SHC4: variants seen among roughly 807,000 people sequenced by gnomAD.
SHC4 encodes SHC-transforming protein 4.
In SHC4, 41 loss-of-function variants were observed where a neutral mutation model predicts 69.4. The observed-to-expected ratio is 0.59, with a 90% CI of 0.46 to 0.77. The LOEUF (loss-of-function observed/expected upper bound fraction) is 0.77. Among genes scored for constraint, SHC4 ranks in the 30% least tolerant of loss-of-function variants. The probability of loss-of-function intolerance (pLI) is 0.00; values close to 1 mark genes in which losing one functional copy is unlikely to be tolerated. For missense variants in SHC4, 777 were observed against 783.8 expected (o/e 0.99, Z 0.10); for synonymous variants, 318 against 299.3 (o/e 1.06, Z -0.64).
intron 10 of SHC4, among the ~76,000 whole-genome samples, chr15:48,840,950 T>C (rs1438063277): frequency 6.6e-6 from 1 of 152,122 alleles, no homozygotes; most frequent in East Asian, 1.9e-4. Context: ...TCAGAGAAAA[T>C]ACATTTTGAC....
At chr15:48,873,077 A>G (rs1785235933) in intron 4 of SHC4, among the ~76,000 whole-genome samples, 1 of 151,716 alleles carries the variant, frequency 6.6e-6, no homozygotes, top group Admixed American at 6.6e-5. Flanking sequence ...TGCCCTGTTC[A>G]TAACAGCCCT....
At position 48,834,846 on chromosome 15, in the gene SHC4, A is replaced by T; in HGVS notation, c.1660T>A (p.Ser554Thr). Residue 554 changes from serine (S) to threonine (T), a missense_variant, in exon 11 of 12, where the codon TCC becomes ACC. Physicochemically the swap from Ser to Thr is moderately conservative, Grantham distance 58. Transcript: ENST00000332408. ...GDFLVRESAT[S>T]PGQYVLSGLQ... Reference sequence around the variant, plus strand: ...CCACTCAGCACATATTGGCCAGGGGATGTTGCACTCTCTCGAACCAAAAAG... The same window carrying T: ...CCACTCAGCACATATTGGCCAGGGGTTGTTGCACTCTCTCGAACCAAAAAG... The T allele has an allele frequency of 6.2e-7, 1 of 1,614,100 alleles. No individual in the cohort carries two copies. The highest frequency in any genetic ancestry group is 8.5e-7 in the Non-Finnish European group (1 of 1,180,016).
Position 48,867,848 on chromosome 15 carries a change from A to C in SHC4, c.916T>G (p.Tyr306Asp), listed in dbSNP as rs1899593103. 6.2e-7 allele frequency: 1 copy of C among 1,613,518 alleles called. No homozygotes were observed. The highest frequency in any genetic ancestry group is 8.5e-7 in the Non-Finnish European group (1 of 1,179,696). The change falls in exon 6 of 12, where the codon TAC becomes GAC. Residue 306 changes from tyrosine (Y) to aspartate (D), a missense_variant. Physicochemically the swap from Tyr to Asp is radical, Grantham distance 160 (BLOSUM62 -3). Coordinates refer to ENST00000332408, the MANE Select transcript of SHC4 (RefSeq NM_203349.4). ...GDPDTTDYVA[Y>D]VAKDPVNQRA... ...TGATTAACTGGATCTTTAGCTACGT[A>C]GGCAACATAGTCTGTAGTATCCTAT...
intron 8 of SHC4, 58 bp from the exon 9 acceptor site, chr15:48,851,306 A>G: frequency 6.5e-7 from 1 of 1,541,566 alleles, no homozygotes; most frequent in South Asian, 1.1e-5. Flanking sequence ...CATAAACTTA[A>G]AAGAAAAAAT....
chr15:48,852,431 T>G (rs976409670), intron 8 of SHC4, among the ~76,000 whole-genome samples: 1 of 152,202 alleles, frequency 6.6e-6, no homozygotes, highest in African/African-American at 2.4e-5. Context: ...AATTGTAGAA[T>G]TGAGATGGTA....
At chr15:48,962,407 G>A in intron 1 of SHC4, 24 bp downstream of exon 1, 1 of 1,512,248 alleles carries the variant, frequency 6.6e-7, no homozygotes. Context: ...AGTTCTTAGA[G>A]GGCAGAGAGG....
At chr15:48,896,518 G>T (rs1210453922) in intron 2 of SHC4, among the ~76,000 whole-genome samples, 1 of 151,774 alleles carries the variant, frequency 6.6e-6, no homozygotes, top group African/African-American at 2.4e-5. Context: ...ATGGGATTTC[G>T]CCACATTGGC....
intron 1 of SHC4, among the ~76,000 whole-genome samples, chr15:48,943,722 T>C (rs905325423): frequency 1.3e-4 from 20 of 152,124 alleles, no homozygotes; most frequent in Non-Finnish European, 2.8e-4. Flanking sequence ...CCACCAAGAG[T>C]GCACAAAAGT....
At chr15:48,898,600 T>C (rs760008695) in intron 2 of SHC4, among the ~76,000 whole-genome samples, 1 of 152,248 alleles carries the variant, frequency 6.6e-6, no homozygotes, top group Admixed American at 6.5e-5. Context: ...GTCTACTTCG[T>C]GATTCTGCCC....
intron 11 of SHC4, among the ~76,000 whole-genome samples, chr15:48,827,177 C>G (rs928279458): frequency 7.2e-5 from 11 of 152,166 alleles, no homozygotes; most frequent in Non-Finnish European, 1.3e-4. Flanking sequence ...TTTCTGCCAG[C>G]TCTCCTACAA....
intron 9 of SHC4, among the ~76,000 whole-genome samples, 172 bp from the exon 10 acceptor site, chr15:48,843,760 C>T (rs1380834023): frequency 6.6e-6 from 1 of 152,186 alleles, no homozygotes; most frequent in Non-Finnish European, 1.5e-5. Flanking sequence ...GCACCAGTCT[C>T]TGAGGGAAAG....
rs2141045831 is a variant in SHC4, at chr15:48,963,826, T to C, written c.-811A>G. ...GCCCATTTGCAGCCGAAAGCTGAGA[T>C]GTGCAGGATGATACGCAGCGTGTTG... On this transcript the variant is annotated 5_prime_UTR_variant, in exon 1 of 12. Coordinates refer to ENST00000332408, the MANE Select transcript of SHC4 (RefSeq NM_203349.4). Among the ~76,000 whole-genome samples, 1 of 152,308 alleles carries C rather than the reference T, an allele frequency of 6.6e-6. No homozygotes were observed. Among genetic ancestry groups the C allele is most frequent in the South Asian group, 2.1e-4 (1 of 4,826 alleles).
intron 6 of SHC4, among the ~76,000 whole-genome samples, chr15:48,863,540 C>T (rs540077746): frequency 6.6e-5 from 10 of 152,044 alleles, no homozygotes; most frequent in Admixed American, 1.3e-4. Flanking sequence ...AATCTTTGTA[C>T]GTATCCTAAT....
At chr15:48,863,887 G>A (rs1404629532) in intron 6 of SHC4, among the ~76,000 whole-genome samples, 4 of 151,968 alleles carry the variant, frequency 2.6e-5, no homozygotes, top group South Asian at 2.1e-4. Context: ...TACGAAAACC[G>A]CCTTATTTTT....
chr15:48,944,434 A>C (rs1595766244), intron 1 of SHC4, among the ~76,000 whole-genome samples: 1 of 152,292 alleles, frequency 6.6e-6, no homozygotes, highest in South Asian at 2.1e-4. Flanking sequence ...GAGGTACACC[A>C]TTTGTATTTG....
chr15:48,894,569 C>A (rs1900190489), intron 2 of SHC4, among the ~76,000 whole-genome samples: 1 of 152,110 alleles, frequency 6.6e-6, no homozygotes, highest in Admixed American at 6.5e-5. Flanking sequence ...TGCTCCCATT[C>A]CAGCTTAGCT....
At chr15:48,898,306 T>C (rs529833861) in intron 2 of SHC4, among the ~76,000 whole-genome samples, 3 of 152,110 alleles carry the variant, frequency 2.0e-5, no homozygotes, top group Admixed American at 1.3e-4. Context: ...CACAGACCAG[T>C]TGAAAATGGA....
intron 7 of SHC4, 61 bp from the exon 8 acceptor site, chr15:48,856,185 C>T: frequency 7.4e-6 from 11 of 1,495,676 alleles, no homozygotes; most frequent in Non-Finnish European, 9.1e-6. Flanking sequence ...GTAAGGGATG[C>T]AAGGGGATCA....
At chr15:48,922,965 T>C (rs1365294038) in intron 2 of SHC4, among the ~76,000 whole-genome samples, 1 of 152,226 alleles carries the variant, frequency 6.6e-6, no homozygotes, top group Non-Finnish European at 1.5e-5. Context: ...TTGCAAATAC[T>C]GGAAGTGTAG....
Sources: gnomAD v4.1 joint callset for allele counts (sites outside exome capture counted in the v4.1 genomes callset) on GRCh38, gnomAD v4.1.1 for gene constraint, MANE v1.5 for transcripts, NCBI Gene and HGNC (gene_info 2026-07-23, HGNC 2026-07-21) for gene names.